The following PPFIBP1 variants were observed in gnomAD, a reference collection of about 807,000 sequenced individuals.
PPFIBP1 encodes liprin-beta-1.
PPFIBP1 carries 112 observed loss-of-function variants against 137.8 expected under a neutral mutation model. The observed-to-expected ratio is 0.81, with a 90% confidence interval of 0.70 to 0.95. The LOEUF (loss-of-function observed/expected upper bound fraction) is 0.95, where lower values mean the gene tolerates loss of function less well. Among genes scored for constraint, PPFIBP1 ranks in the 40% least tolerant of loss-of-function variants. The pLI, the probability that PPFIBP1 is intolerant of heterozygous loss-of-function variation, is 0.00. For synonymous variants in PPFIBP1, 378 were observed against 417.3 expected (o/e 0.91, Z 1.15); for missense variants, 1,083 against 1,196.6 (o/e 0.91, Z 1.40).
At chr12:27,657,998 T>C (rs73084364) in intron 9 of PPFIBP1, among the ~76,000 whole-genome samples, 67,107 of 151,428 alleles carry the variant, frequency 0.44, 15,328 homozygotes, top group Admixed American at 0.52. Context: ...TCACCAGGCA[T>C]GGTGGCTCAC....
chr12:27,598,255 G>A (rs1446981704), intron 2 of PPFIBP1, among the ~76,000 whole-genome samples: 1 of 152,180 alleles, frequency 6.6e-6, no homozygotes, highest in East Asian at 1.9e-4. Context: ...CATGTGGCTG[G>A]GAAGGCCTCA....
At chr12:27,563,356 C>G (rs1010221438) in intron 1 of PPFIBP1, among the ~76,000 whole-genome samples, 4 of 141,536 alleles carry the variant, frequency 2.8e-5, no homozygotes, top group Non-Finnish European at 4.5e-5. Flanking sequence ...ACTCAGGAGG[C>G]TGAGGCAGGA....
intron 1 of PPFIBP1, among the ~76,000 whole-genome samples, chr12:27,575,782 G>A (rs1000085404): frequency 3.3e-5 from 5 of 152,162 alleles, no homozygotes; most frequent in Non-Finnish European, 7.3e-5. Context: ...GTTCGATAAT[G>A]TGTTCTTGTT....
At chr12:27,581,352 G>A (rs1354247069) in intron 2 of PPFIBP1, among the ~76,000 whole-genome samples, 2 of 152,326 alleles carry the variant, frequency 1.3e-5, no homozygotes, top group Admixed American at 1.3e-4. Context: ...TTTTGAGGCT[G>A]AATGGGCCCA....
intron 13 of PPFIBP1, among the ~76,000 whole-genome samples, chr12:27,670,791 A>ATAATAATAATAATAAT (rs1223053194): frequency 2.2e-5 from 3 of 138,766 alleles, no homozygotes; most frequent in East Asian, 4.1e-4. Context: ...AAAAAAAAAA[A>ATAATAATAATAATAAT]AAAAATAATA....
chr12:27,561,282 G>A (rs933601375), intron 1 of PPFIBP1, among the ~76,000 whole-genome samples: 31 of 152,276 alleles, frequency 2.0e-4, no homozygotes, highest in African/African-American at 7.5e-4. Context: ...GGGGATTTAT[G>A]GTAGGTTTAC....
rs542090406 is a variant in PPFIBP1 at position 27,537,864 on chromosome 12, A to G, written c.-124+13499A>G. On this transcript the variant is annotated intron_variant, in intron 1 of 29. Coordinates refer to ENST00000228425, the MANE Select transcript of PPFIBP1 (RefSeq NM_003622.4). The stretch of plus-strand genomic sequence containing the variant: ...GCAAAATCTTCACTTTTAGCTATGT[A>G]AATGGAAAGCAGGTATCTGGCTATT... Among the ~76,000 whole-genome samples, 11 of 152,214 alleles carry G rather than the reference A, an allele frequency of 7.2e-5. No homozygotes were observed. The South Asian group carries it at 2.3e-3, about 32-fold the overall frequency.
chr12:27,588,795 T>C (rs1252966505), intron 2 of PPFIBP1, among the ~76,000 whole-genome samples: 2 of 152,224 alleles, frequency 1.3e-5, no homozygotes, highest in Non-Finnish European at 2.9e-5. Flanking sequence ...GTCTTAGAAG[T>C]AGTTCCTTAT....
At chr12:27,667,122 A>T (rs1352740830) in intron 12 of PPFIBP1, 44 bp from the exon 13 acceptor site, 1 of 1,460,592 alleles carries the variant, frequency 6.8e-7, no homozygotes. Flanking sequence ...TGAAATATAA[A>T]TCAAAAGCTG....
At chr12:27,669,884 T>C (rs1240474529) in intron 13 of PPFIBP1, among the ~76,000 whole-genome samples, 1 of 152,240 alleles carries the variant, frequency 6.6e-6, no homozygotes, top group Non-Finnish European at 1.5e-5. Context: ...CATTCTCTTC[T>C]AGCTGATCAT....
intron 25 of PPFIBP1, 94 bp downstream of exon 25, chr12:27,687,601 C>A: frequency 7.2e-7 from 1 of 1,393,132 alleles, no homozygotes; most frequent in Non-Finnish European, 9.7e-7. Flanking sequence ...TTGGAGCCTG[C>A]AGGAAAAGCC....
chr12:27,607,298 A>G (rs542526865), intron 2 of PPFIBP1, among the ~76,000 whole-genome samples: 2 of 152,360 alleles, frequency 1.3e-5, no homozygotes, highest in South Asian at 4.1e-4. Context: ...CAGGTGTACA[A>G]AAGTGCATGT....
At position 27,679,920 on chromosome 12, in the gene PPFIBP1, T is replaced by C; in HGVS notation, c.1767-13T>C. 1 of 1,614,046 alleles carries C rather than the reference T, an allele frequency of 6.2e-7. No individual in the cohort carries two copies. The highest frequency in any genetic ancestry group is 1.1e-5 in the South Asian group (1 of 91,062). ...TCAGGTCTAATACTGGCCATGTGTG[T>C]TGTCTTCTTTAGACTTAGGAGAAGT... On this transcript the variant is annotated splice_polypyrimidine_tract_variant and intron_variant, in intron 20 of 29. Transcript: ENST00000228425.
intron 2 of PPFIBP1, chr12:27,599,488 A>T (rs762023701): frequency 2.2e-6 from 1 of 455,782 alleles, no homozygotes; most frequent in Non-Finnish European, 4.4e-6. Context: ...GCGTGAGCCA[A>T]TTCCTTAAAA....
chr12:27,533,463 A>G (rs73087752), intron 1 of PPFIBP1, among the ~76,000 whole-genome samples: 25,686 of 152,160 alleles, frequency 0.17, 2,413 homozygotes, highest in Middle Eastern at 0.26. Context: ...CTTTCCCAGG[A>G]TCACACAGAT....
chr12:27,676,362 T>G, intron 17 of PPFIBP1, 66 bp from the exon 18 acceptor site: 3 of 1,278,522 alleles, frequency 2.3e-6, no homozygotes, highest in Non-Finnish European at 3.1e-6. Context: ...GTATTTGCTG[T>G]TAGCCTGGCA....
chr12:27,621,472 T>G (rs1003880684), intron 2 of PPFIBP1, among the ~76,000 whole-genome samples: 2 of 152,234 alleles, frequency 1.3e-5, no homozygotes, highest in Non-Finnish European at 2.9e-5. Flanking sequence ...ATTCGTTAAT[T>G]GTACAAATTT....
At chr12:27,539,827 G>A (rs1023409400) in intron 1 of PPFIBP1, among the ~76,000 whole-genome samples, 8 of 152,070 alleles carry the variant, frequency 5.3e-5, no homozygotes, top group African/African-American at 1.7e-4. Context: ...GGTATAATTA[G>A]CTTTGGTGTG....
chr12:27,616,809 G>A (rs1220950750), intron 2 of PPFIBP1, among the ~76,000 whole-genome samples: 2 of 152,198 alleles, frequency 1.3e-5, no homozygotes, highest in Non-Finnish European at 2.9e-5. Flanking sequence ...TCTCAGTGTG[G>A]GGGGATCTGG....
Sources: allele counts gnomAD v4.1 joint callset (sites outside exome capture counted in the v4.1 genomes callset), GRCh38; gene constraint gnomAD v4.1.1; transcripts MANE v1.5; gene names NCBI Gene and HGNC (gene_info 2026-07-23, HGNC 2026-07-21).